Variants in RNLS observed in about 807,000 individuals in gnomAD.
RNLS encodes renalase, FAD dependent amine oxidase.
A neutral mutation model predicts 39.8 loss-of-function variants in RNLS; 39 were observed. The observed-to-expected ratio is 0.98, with a 90% confidence interval of 0.76 to 1.28. The LOEUF is 1.28. RNLS is among the 50% of genes most tolerant of loss of function. The pLI is 0.00. For synonymous variants in RNLS, 147 were observed against 150.7 expected, an observed-to-expected ratio of 0.98 and a Z score of 0.18; for missense variants, 410 against 413.3, an observed-to-expected ratio of 0.99 and a Z score of 0.07.
At chr10:88,390,359 A>G (rs1486839851) in intron 4 of RNLS, among the ~76,000 whole-genome samples, 3 of 152,200 alleles carry the variant, frequency 2.0e-5, no homozygotes, top group African/African-American at 7.2e-5. Flanking sequence ...GAAGTTTTTA[A>G]TATTCGTTCG....
chr10:88,518,051 G>A (rs1846508757), intron 4 of RNLS, among the ~76,000 whole-genome samples: 1 of 151,822 alleles, frequency 6.6e-6, no homozygotes, highest in Non-Finnish European at 1.5e-5. Flanking sequence ...TCTCTTTTTA[G>A]TGTTGCCAAA....
At chr10:88,465,276 A>T (rs895927580) in intron 4 of RNLS, among the ~76,000 whole-genome samples, 9 of 152,156 alleles carry the variant, frequency 5.9e-5, no homozygotes, top group African/African-American at 2.2e-4. Flanking sequence ...TTATTTAGGC[A>T]CAAATCCCTA....
intron 4 of RNLS, among the ~76,000 whole-genome samples, chr10:88,433,861 G>GTAATT (rs1196012654): frequency 6.6e-6 from 1 of 152,060 alleles, no homozygotes; most frequent in East Asian, 1.9e-4. Context: ...ATAATGTAAT[G>GTAATT]CAATATGCTT....
At chr10:88,411,397 CAT>C (rs1485375656) in intron 4 of RNLS, among the ~76,000 whole-genome samples, 1 of 152,220 alleles carries the variant, frequency 6.6e-6, no homozygotes, top group South Asian at 2.1e-4. Flanking sequence ...ATGTTGTACA[CAT>C]GTTTGTTATT....
At chr10:88,285,644 G>GCA (rs1466739263) in intron 6 of RNLS, 138 bp from the exon 7 acceptor site, 1 of 696,490 alleles carries the variant, frequency 1.4e-6, no homozygotes, top group Non-Finnish European at 2.4e-6. Context: ...CAAAAAAAAT[G>GCA]CACACACAAG....
chr10:88,419,034 T>G (rs1374922865), intron 4 of RNLS, among the ~76,000 whole-genome samples: 2 of 152,158 alleles, frequency 1.3e-5, no homozygotes, highest in Non-Finnish European at 2.9e-5. Flanking sequence ...TTGCGCAGAG[T>G]TGCTTAACCA....
chr10:88,515,429 T>C (rs1846356630), intron 4 of RNLS, among the ~76,000 whole-genome samples: 1 of 152,078 alleles, frequency 6.6e-6, no homozygotes, highest in Non-Finnish European at 1.5e-5. Flanking sequence ...TTCTTCTTTG[T>C]GCAACGTTCT....
intron 6 of RNLS, among the ~76,000 whole-genome samples, chr10:88,285,770 C>G (rs181004867): frequency 6.6e-6 from 1 of 152,218 alleles, no homozygotes; most frequent in East Asian, 1.9e-4. Context: ...CAGAAGTGGG[C>G]TGAACTTCAA....
intron 4 of RNLS, among the ~76,000 whole-genome samples, chr10:88,569,451 G>A (rs1437690738): frequency 5.3e-5 from 8 of 152,130 alleles, no homozygotes; most frequent in Non-Finnish European, 8.8e-5. Context: ...AGAGACAGCA[G>A]CTGGAGTACC....
At position 88,322,859 on chromosome 10, in the gene RNLS, T is replaced by G. The variant is rs572551833; in HGVS notation, c.701-8218A>C. Among the ~76,000 whole-genome samples, 16 of 152,238 alleles carry G rather than the reference T, an allele frequency of 1.1e-4. No homozygotes were observed. In the South Asian group the frequency reaches 2.9e-3, roughly 28 times the overall value. ...AAGTAGAATTATCTCTGCTAGCTGA[T>G]GACATGATCCTATACCTAGAAAGCC... On this transcript the variant is annotated intron_variant, in intron 5 of 6. Transcript: ENST00000331772.
At chr10:88,469,311 T>C (rs978649603) in intron 4 of RNLS, among the ~76,000 whole-genome samples, 10 of 152,180 alleles carry the variant, frequency 6.6e-5, no homozygotes, top group African/African-American at 2.4e-4. Flanking sequence ...TCTTATCCCC[T>C]TTTCCACAGT....
Position 88,284,187 on chromosome 10 carries a change from A to G in RNLS, c.*1167T>C. 2 of 985,366 alleles carry G rather than the reference A, an allele frequency of 2.0e-6. No homozygotes were observed. Among genetic ancestry groups the G allele is most frequent in the Non-Finnish European group, 2.4e-6 (2 of 829,888 alleles). The allele number at this position is 985,366 out of a possible 1,614,324, so 61.0% of individuals were successfully genotyped here. The stretch of plus-strand genomic sequence containing the variant: ...GGGTCATAAAACCCACTTTGCAGCT[A>G]TAGAAGCAAGTTCTGCCTGTGCCTG... On this transcript the variant is annotated 3_prime_UTR_variant, in exon 7 of 7. Transcript: ENST00000331772.
chr10:88,482,488 T>C (rs934576444), intron 4 of RNLS, among the ~76,000 whole-genome samples: 2 of 152,146 alleles, frequency 1.3e-5, no homozygotes, highest in African/African-American at 2.4e-5. Flanking sequence ...AGAGTTTCCA[T>C]TTAATTCTTT....
At chr10:88,500,701 C>T (rs1034363375) in intron 4 of RNLS, among the ~76,000 whole-genome samples, 3 of 152,068 alleles carry the variant, frequency 2.0e-5, no homozygotes, top group Non-Finnish European at 4.4e-5. Flanking sequence ...AACTAATAAC[C>T]TAATAACTTT....
At chr10:88,301,658 A>C (rs760033756) in intron 6 of RNLS, among the ~76,000 whole-genome samples, 1 of 152,198 alleles carries the variant, frequency 6.6e-6, no homozygotes, top group Non-Finnish European at 1.5e-5. Flanking sequence ...CAACAACAAC[A>C]AACCAACTGG....
intron 4 of RNLS, among the ~76,000 whole-genome samples, chr10:88,432,568 T>A (rs1855198747): frequency 6.6e-6 from 1 of 152,012 alleles, no homozygotes; most frequent in Non-Finnish European, 1.5e-5. Flanking sequence ...TGTCTTCTTC[T>A]GGATTAACCA....
chr10:88,521,322 C>G (rs756932192), intron 4 of RNLS, among the ~76,000 whole-genome samples: 4 of 152,034 alleles, frequency 2.6e-5, no homozygotes, highest in Non-Finnish European at 4.4e-5. Context: ...ATGGCAAAAG[C>G]AAGGCCCTAG....
chr10:88,306,905 A>G (rs998987883), intron 6 of RNLS, among the ~76,000 whole-genome samples: 1 of 152,194 alleles, frequency 6.6e-6, no homozygotes, highest in African/African-American at 2.4e-5. Flanking sequence ...ATCCTTGAAC[A>G]TTGATGCAAA....
At chr10:88,289,687 A>C (rs760625715) in intron 6 of RNLS, among the ~76,000 whole-genome samples, 39 of 152,290 alleles carry the variant, frequency 2.6e-4, no homozygotes, top group Middle Eastern at 3.4e-3. Context: ...GGACCATATG[A>C]AAGTGTGCAA....
Sources: gnomAD v4.1 joint callset for allele counts (sites outside exome capture counted in the v4.1 genomes callset) on GRCh38, gnomAD v4.1.1 for gene constraint, MANE v1.5 for transcripts, NCBI Gene and HGNC (gene_info 2026-07-23, HGNC 2026-07-21) for gene names.